NFX1: variants seen among roughly 807,000 people sequenced by gnomAD.
The protein encoded by NFX1 is nuclear transcription factor, X-box binding 1.
In NFX1, 69 loss-of-function variants were observed where a neutral mutation model predicts 137.2. The observed-to-expected ratio is 0.50, with a 90% CI of 0.41 to 0.61. The LOEUF (loss-of-function observed/expected upper bound fraction) is 0.61, where lower values mean the gene tolerates loss of function less well. Ranked by LOEUF, NFX1 falls within the 20% of genes least tolerant of loss-of-function variation. The pLI is 0.00. For synonymous variants in NFX1, 495 were observed against 474.1 expected, an observed-to-expected ratio of 1.04 and a Z score of -0.57; for missense variants, 1,167 against 1,391.0, an observed-to-expected ratio of 0.84 and a Z score of 2.56.
Position 33,319,006 on chromosome 9 carries a change from C to G in NFX1, c.1785C>G (p.Pro595=). 1 of 1,614,256 alleles carries G rather than the reference C, an allele frequency of 6.2e-7. No homozygotes were observed. The highest frequency in any genetic ancestry group is 8.5e-7 in the Non-Finnish European group (1 of 1,180,050). The change falls in exon 9 of 24, where the codon CCC becomes CCG. Residue 595 remains proline, a synonymous_variant. Coordinates refer to ENST00000379540, the MANE Select transcript of NFX1 (RefSeq NM_002504.6). The stretch of plus-strand genomic sequence containing the variant: ...TCCCCCAGCTGGTGCGCTGTTGCCC[C>G]TGTGGCCAAACTCCTCTCAGCCAAT... The part of the protein sequence containing the change: ...PRLPQLVRCC[P]CGQTPLSQLL...
At chr9:33,327,754 C>T (rs1387999667) in intron 9 of NFX1, among the ~76,000 whole-genome samples, 1 of 152,156 alleles carries the variant, frequency 6.6e-6, no homozygotes, top group Non-Finnish European at 1.5e-5. Context: ...CCATAAGAGA[C>T]CCCAGGTGAT....
intron 14 of NFX1, among the ~76,000 whole-genome samples, chr9:33,346,458 A>T (rs1295267185): frequency 6.6e-6 from 1 of 152,210 alleles, no homozygotes; most frequent in African/African-American, 2.4e-5. Flanking sequence ...GTAGTTCAAT[A>T]CACATGATAC....
chr9:33,319,743 C>T (rs749814602), intron 9 of NFX1, among the ~76,000 whole-genome samples: 6 of 151,984 alleles, frequency 3.9e-5, no homozygotes, highest in Non-Finnish European at 8.8e-5. Context: ...CTCCTGGCAC[C>T]AAGTGATCCA....
At chr9:33,314,302 A>G (rs758162267) in intron 7 of NFX1, among the ~76,000 whole-genome samples, 3 of 152,154 alleles carry the variant, frequency 2.0e-5, no homozygotes, top group Non-Finnish European at 4.4e-5. Flanking sequence ...TTTAAATAGT[A>G]GATTTTAAAA....
intron 10 of NFX1, among the ~76,000 whole-genome samples, chr9:33,329,375 C>T (rs901740276): frequency 6.6e-6 from 1 of 152,138 alleles, no homozygotes; most frequent in Non-Finnish European, 1.5e-5. Context: ...CGAGGTGTAC[C>T]GATACCATGT....
intron 6 of NFX1, among the ~76,000 whole-genome samples, chr9:33,312,026 A>G (rs540121095): frequency 6.6e-6 from 1 of 152,304 alleles, no homozygotes; most frequent in Admixed American, 6.5e-5. Flanking sequence ...CCCTTGTTCC[A>G]TTATAATACA....
intron 16 of NFX1, 48 bp downstream of exon 16, chr9:33,351,838 T>C: frequency 6.8e-7 from 1 of 1,463,880 alleles, no homozygotes; most frequent in Non-Finnish European, 9.1e-7. Context: ...GTTCTGAGGC[T>C]ACTAGTGAAT....
chr9:33,348,611 A>C (rs1823522338), intron 15 of NFX1: 1 of 226,814 alleles, frequency 4.4e-6, no homozygotes, highest in African/African-American at 2.3e-5. Flanking sequence ...CGAAATGAGC[A>C]TGTGCTGTTG....
chr9:33,339,578 T>A (rs1264268934), intron 12 of NFX1, among the ~76,000 whole-genome samples: 1 of 152,132 alleles, frequency 6.6e-6, no homozygotes, highest in Non-Finnish European at 1.5e-5. Flanking sequence ...TCAAAACCAA[T>A]CATGCCTTTC....
intron 5 of NFX1, among the ~76,000 whole-genome samples, chr9:33,310,185 C>CTTAT (rs1821912942): frequency 1.3e-5 from 2 of 152,176 alleles, no homozygotes; most frequent in Non-Finnish European, 2.9e-5. Flanking sequence ...AACATTCCAG[C>CTTAT]CAGACCACTT....
chr9:33,301,253 T>G lies in NFX1; in HGVS notation c.1034-10T>G. The stretch of plus-strand genomic sequence containing the variant: ...AGTTAATCTTTTTTGTTATTTTGTT[T>G]TTTAAACAGGTTCTCTAATTGAACA... On this transcript the variant is annotated splice_polypyrimidine_tract_variant and intron_variant, in intron 2 of 23. Coordinates refer to ENST00000379540, the MANE Select transcript of NFX1 (RefSeq NM_002504.6). 1 of 1,609,412 alleles carries G rather than the reference T, an allele frequency of 6.2e-7. No homozygotes were observed. Among genetic ancestry groups the G allele is most frequent in the Non-Finnish European group, 8.5e-7 (1 of 1,178,302 alleles).
intron 9 of NFX1, among the ~76,000 whole-genome samples, chr9:33,324,754 C>T (rs1020446843): frequency 4.6e-5 from 7 of 151,418 alleles, no homozygotes; most frequent in African/African-American, 7.3e-5. Flanking sequence ...GGTGAAACCC[C>T]GTCTCTACTA....
chr9:33,369,655 T>C (rs1418431603), intron 23 of NFX1, among the ~76,000 whole-genome samples: 6 of 152,124 alleles, frequency 3.9e-5, no homozygotes, highest in Non-Finnish European at 7.3e-5. Flanking sequence ...CTCTAAACTG[T>C]AAAGTGTAAA....
At chr9:33,354,443 C>T (rs1823747007) in intron 18 of NFX1, among the ~76,000 whole-genome samples, 1 of 152,146 alleles carries the variant, frequency 6.6e-6, no homozygotes, top group Non-Finnish European at 1.5e-5. Flanking sequence ...TAGCTTAACC[C>T]ATATGAGAAT....
At chr9:33,354,931 T>C in intron 19 of NFX1, 39 bp downstream of exon 19, 1 of 1,607,330 alleles carries the variant, frequency 6.2e-7, no homozygotes, top group Non-Finnish European at 8.5e-7. Flanking sequence ...TCCTTGCCCT[T>C]GAGCTCTGTG....
intron 23 of NFX1, among the ~76,000 whole-genome samples, chr9:33,369,474 TGC>T (rs1824265348): frequency 6.6e-6 from 1 of 152,232 alleles, no homozygotes; most frequent in East Asian, 1.9e-4. Flanking sequence ...AATGCCCATG[TGC>T]CCATTACCAA....
chr9:33,323,856 A>G lies in NFX1; in HGVS notation c.1907-4725A>G, dbSNP rs573965574. 3.9e-5 allele frequency among the ~76,000 whole-genome samples: 6 copies of G among 152,340 alleles called. No individual in the cohort carries two copies. The East Asian group carries it at 1.2e-3, about 29-fold the overall frequency. On this transcript the variant is annotated intron_variant, in intron 9 of 23. Coordinates refer to ENST00000379540, the MANE Select transcript of NFX1 (RefSeq NM_002504.6). ...AAGAAAGATGTGAAGATGATGTCTT[A>G]TCAAATAGAGAATATTGATAAAGAG...
chr9:33,309,659 G>A lies in NFX1; in HGVS notation c.1377-1447G>A, dbSNP rs866146513. 4.6e-5 allele frequency among the ~76,000 whole-genome samples: 7 copies of A among 152,084 alleles called. No individual in the cohort carries two copies. The South Asian group carries it at 8.3e-4, about 18-fold the overall frequency. On this transcript the variant is annotated intron_variant, in intron 5 of 23. Transcript: ENST00000379540. The stretch of plus-strand genomic sequence containing the variant: ...TCAAAAGTGACAGAGACAGGGTCTC[G>A]CTCTGTTGCCCAGGCTTGAGTGCAG...
intron 14 of NFX1, among the ~76,000 whole-genome samples, chr9:33,345,322 C>T (rs962860652): frequency 1.3e-5 from 2 of 151,798 alleles, no homozygotes; most frequent in African/African-American, 4.8e-5. Context: ...ACTAAAAATA[C>T]AAAACTTAGC....
Sources: gnomAD v4.1 joint callset for allele counts (sites outside exome capture counted in the v4.1 genomes callset) on GRCh38, gnomAD v4.1.1 for gene constraint, MANE v1.5 for transcripts, NCBI Gene and HGNC (gene_info 2026-07-23, HGNC 2026-07-21) for gene names.